The following CFAP54 variants were observed in gnomAD, a reference collection of about 807,000 sequenced individuals.
The protein encoded by CFAP54 is cilia- and flagella-associated protein 54.
Under a neutral mutation model 370.4 loss-of-function variants are expected in CFAP54, and 290 were observed. The ratio of observed to expected loss-of-function variants is 0.78; its 90% CI spans 0.71 to 0.86. CFAP54 has a LOEUF of 0.86. Ranked by LOEUF, CFAP54 falls within the 40% of genes least tolerant of loss-of-function variation. CFAP54 has a pLI of 0.00. For missense variants in CFAP54, 3,399 were observed against 3,528.7 expected, an observed-to-expected ratio of 0.96 and a Z score of 0.93; for synonymous variants, 1,206 against 1,236.5, an observed-to-expected ratio of 0.98 and a Z score of 0.52.
intron 26 of CFAP54, among the ~76,000 whole-genome samples, chr12:96,608,928 G>A (rs1440616685): frequency 1.3e-5 from 2 of 152,216 alleles, no homozygotes; most frequent in African/African-American, 4.8e-5. Context: ...ATATAATTAA[G>A]TATATTGATC....
At chr12:96,675,261 T>A (rs1038001674) in intron 39 of CFAP54, among the ~76,000 whole-genome samples, 8 of 151,988 alleles carry the variant, frequency 5.3e-5, no homozygotes, top group African/African-American at 1.9e-4. Flanking sequence ...AACAACCCCA[T>A]CAACAAGTTG....
chr12:96,539,030 T>C (rs1358191127), intron 13 of CFAP54, among the ~76,000 whole-genome samples: 1 of 150,918 alleles, frequency 6.6e-6, no homozygotes, highest in Non-Finnish European at 1.5e-5. Flanking sequence ...TTTGGATTAT[T>C]ATAGGCATGA....
chr12:96,520,565 T>G (rs1955295823), intron 6 of CFAP54, among the ~76,000 whole-genome samples: 1 of 148,036 alleles, frequency 6.8e-6, no homozygotes, highest in Non-Finnish European at 1.5e-5. Context: ...AGAGCTTCTA[T>G]TGGCCTGTAG....
intron 66 of CFAP54, among the ~76,000 whole-genome samples, chr12:96,833,776 A>G (rs2136764421): frequency 6.6e-6 from 1 of 152,244 alleles, no homozygotes; most frequent in South Asian, 2.1e-4. Context: ...GATAATAGTC[A>G]TGAAAATGCA....
intron 67 of CFAP54, among the ~76,000 whole-genome samples, chr12:96,863,185 A>C (rs1345664547): frequency 4.6e-5 from 7 of 151,872 alleles, no homozygotes; most frequent in Admixed American, 3.3e-4. Context: ...GGATGGATGG[A>C]TGGATGGATG....
chr12:96,856,303 G>C (rs556520451), intron 66 of CFAP54, among the ~76,000 whole-genome samples: 6 of 152,244 alleles, frequency 3.9e-5, no homozygotes, highest in Admixed American at 1.3e-4. Context: ...TTAACATTTG[G>C]CTCCTTTTTA....
intron 32 of CFAP54, among the ~76,000 whole-genome samples, chr12:96,642,164 A>C (rs1956738023): frequency 6.6e-6 from 1 of 151,896 alleles, no homozygotes; most frequent in Non-Finnish European, 1.5e-5. Context: ...TTAATTCTCA[A>C]ATTGCTCTAG....
chr12:96,750,382 T>C (rs898448766), intron 55 of CFAP54, among the ~76,000 whole-genome samples: 14 of 152,358 alleles, frequency 9.2e-5, no homozygotes, highest in African/African-American at 3.1e-4. Flanking sequence ...AGCTATCAAC[T>C]GTGCAGAATC....
chr12:96,644,238 T>C lies in CFAP54; in HGVS notation c.4377T>C (p.Pro1459=), dbSNP rs1203653712. Residue 1459 remains proline, a synonymous_variant, in exon 33 of 68, where the codon CCT becomes CCC. Coordinates refer to ENST00000524981, the MANE Select transcript of CFAP54 (RefSeq NM_001306084.2). The stretch of plus-strand genomic sequence containing the variant: ...GATACCTGATGGATTACTTGAATCC[T>C]CTAATATTAAGTTATGTTAAAAGAA... The part of the protein sequence containing the change: ...AQRYLMDYLN[P]LILSYVKRKR... 1 of 1,535,926 alleles carries C rather than the reference T, an allele frequency of 6.5e-7. No homozygotes were observed. Among genetic ancestry groups the C allele is most frequent in the Admixed American group, 2.0e-5 (1 of 50,994 alleles).
chr12:96,679,846 G>A (rs751384985), intron 40 of CFAP54, 94 bp downstream of exon 40: 28 of 1,270,848 alleles, frequency 2.2e-5, no homozygotes, highest in East Asian at 4.7e-5. Flanking sequence ...TTCCCTCCCC[G>A]TGTACATGCA....
At chr12:96,791,494 A>G (rs1958693090) in intron 62 of CFAP54, among the ~76,000 whole-genome samples, 1 of 152,202 alleles carries the variant, frequency 6.6e-6, no homozygotes, top group East Asian at 1.9e-4. Flanking sequence ...GCCCACATTC[A>G]TCAAGGACAA....
chr12:96,498,814 A>G (rs1452227932), intron 1 of CFAP54, among the ~76,000 whole-genome samples: 1 of 152,202 alleles, frequency 6.6e-6, no homozygotes, highest in East Asian at 1.9e-4. Context: ...CTGCTCTATG[A>G]AAGATACTGT....
intron 60 of CFAP54, among the ~76,000 whole-genome samples, chr12:96,776,112 G>A (rs1958516298): frequency 6.6e-6 from 1 of 151,796 alleles, no homozygotes; most frequent in Non-Finnish European, 1.5e-5. Flanking sequence ...TAATTTTAGG[G>A]GAAAAACTAT....
intron 45 of CFAP54, among the ~76,000 whole-genome samples, chr12:96,695,160 G>A (rs1003991719): frequency 5.3e-5 from 8 of 152,204 alleles, no homozygotes; most frequent in Non-Finnish European, 8.8e-5. Context: ...CGATGGAATC[G>A]GGGACAAGAT....
intron 66 of CFAP54, among the ~76,000 whole-genome samples, chr12:96,829,794 C>T (rs951533996): frequency 2.6e-5 from 4 of 151,852 alleles, no homozygotes; most frequent in East Asian, 3.9e-4. Flanking sequence ...GTTGTGCAAC[C>T]GTCACCGCTG....
At position 96,874,622 on chromosome 12, in the gene CFAP54, TTTTTATTTTA is replaced by T. The variant is rs1565770660; in HGVS notation, c.*15-491_*15-482del. On this transcript the variant is annotated intron_variant, in intron 67 of 67. Transcript: ENST00000524981. ...GTTTTGGGATCTCTGCTTTTTTTTA[TTTTTATTTTA>T]TTTTTTTTTTTTTTTGAGACGGAGT... Among the ~76,000 whole-genome samples, 55 of 7,452 alleles carry T rather than the reference TTTTTATTTTA, an allele frequency of 7.4e-3. 22 individuals are homozygous for T. In the East Asian group the frequency reaches 0.19, roughly 25 times the overall value. The allele number at this position is 7,452 out of a possible 152,430, so 4.9% of individuals were successfully genotyped here.
intron 45 of CFAP54, among the ~76,000 whole-genome samples, chr12:96,696,627 T>C (rs1210353203): frequency 1.3e-5 from 2 of 152,160 alleles, no homozygotes; most frequent in Non-Finnish European, 2.9e-5. Context: ...CTTATTATTT[T>C]CTATAATTAA....
At chr12:96,755,096 G>C (rs539125501) in intron 56 of CFAP54, among the ~76,000 whole-genome samples, 2 of 152,286 alleles carry the variant, frequency 1.3e-5, no homozygotes, top group East Asian at 3.9e-4. Flanking sequence ...TGGGAGCTGT[G>C]AGGGCCAGCG....
intron 55 of CFAP54, among the ~76,000 whole-genome samples, chr12:96,752,085 T>TGAGAGACAGAGAGAGAGAGAGA (rs1555318323): frequency 4.4e-5 from 4 of 90,566 alleles, no homozygotes; most frequent in African/African-American, 1.6e-4. Context: ...TCTTCCTGGA[T>TGAGAGACAGAGAGAGAGAGAGA]GAGAGAGAGA....
Sources: allele counts gnomAD v4.1 joint callset (sites outside exome capture counted in the v4.1 genomes callset), GRCh38; gene constraint gnomAD v4.1.1; transcripts MANE v1.5; gene names NCBI Gene and HGNC (gene_info 2026-07-23, HGNC 2026-07-21).